Variants in SGCZ observed in about 807,000 individuals in gnomAD.
SGCZ encodes the protein sarcoglycan zeta, also known as zeta-sarcoglycan.
A neutral mutation model predicts 41.3 loss-of-function variants in SGCZ; 40 were observed. That is an observed-to-expected ratio of 0.97 (90% CI 0.75 to 1.26). The LOEUF (loss-of-function observed/expected upper bound fraction) is 1.26, where lower values mean the gene tolerates loss of function less well. Among genes scored for constraint, SGCZ ranks in the 50% most tolerant of loss-of-function variants. The probability of loss-of-function intolerance (pLI) is 0.00; values close to 1 mark genes in which losing one functional copy is unlikely to be tolerated. For missense variants in SGCZ, 552 were observed against 369.8 expected (o/e 1.49, Z -4.04); for synonymous variants, 206 against 137.5 (o/e 1.50, Z -3.49).
At chr8:14,347,295 G>A (rs910286827) in intron 2 of SGCZ, among the ~76,000 whole-genome samples, 6 of 152,002 alleles carry the variant, frequency 3.9e-5, no homozygotes, top group South Asian at 2.1e-4. Flanking sequence ...TGCAATGTCT[G>A]GAGCTTTTAC....
intron 1 of SGCZ, among the ~76,000 whole-genome samples, chr8:14,659,861 G>A (rs1353124187): frequency 1.3e-5 from 2 of 152,136 alleles, no homozygotes; most frequent in South Asian, 2.1e-4. Context: ...GATCATACAG[G>A]AGTACCTATT....
intron 1 of SGCZ, among the ~76,000 whole-genome samples, chr8:15,086,177 T>C (rs1173294719): frequency 1.3e-5 from 2 of 152,186 alleles, no homozygotes; most frequent in African/African-American, 4.8e-5. Flanking sequence ...AAGCAAAATA[T>C]TAAAATTCTA....
chr8:15,063,355 T>G (rs576455685), intron 1 of SGCZ, among the ~76,000 whole-genome samples: 5 of 152,260 alleles, frequency 3.3e-5, no homozygotes, highest in African/African-American at 1.2e-4. Flanking sequence ...TTGGGATGAT[T>G]TTTGCATAGC....
At chr8:15,101,797 G>A (rs541852027) in intron 1 of SGCZ, among the ~76,000 whole-genome samples, 2 of 152,198 alleles carry the variant, frequency 1.3e-5, no homozygotes, top group Non-Finnish European at 2.9e-5. Flanking sequence ...GGGCATGGTC[G>A]TGCACACCTG....
At chr8:14,109,742 A>G (rs1563132084) in intron 5 of SGCZ, among the ~76,000 whole-genome samples, 1 of 152,214 alleles carries the variant, frequency 6.6e-6, no homozygotes, top group Non-Finnish European at 1.5e-5. Flanking sequence ...ACTCCTTTGC[A>G]TAATATAGCA....
At chr8:14,885,620 T>A (rs1297956412) in intron 1 of SGCZ, among the ~76,000 whole-genome samples, 2 of 152,076 alleles carry the variant, frequency 1.3e-5, no homozygotes, top group African/African-American at 4.8e-5. Flanking sequence ...ACTGACATCT[T>A]AAAGTCAGGA....
chr8:14,975,352 G>T (rs186373581), intron 1 of SGCZ, among the ~76,000 whole-genome samples: 263 of 152,188 alleles, frequency 1.7e-3, no homozygotes, highest in Non-Finnish European at 2.7e-3. Context: ...CATCCAAAGG[G>T]GAATTGTGTA....
At chr8:14,899,862 G>A (rs1278390713) in intron 1 of SGCZ, among the ~76,000 whole-genome samples, 1 of 151,660 alleles carries the variant, frequency 6.6e-6, no homozygotes, top group Non-Finnish European at 1.5e-5. Context: ...GGAAGAAGAA[G>A]AAGAAGAGGA....
chr8:14,695,951 AC>A (rs1292292550), intron 1 of SGCZ, among the ~76,000 whole-genome samples: 1 of 152,002 alleles, frequency 6.6e-6, no homozygotes, highest in African/African-American at 2.4e-5. Flanking sequence ...AAAAGCTAAA[AC>A]CTTCCAAATT....
At chr8:14,856,744 C>G (rs1803557199) in intron 1 of SGCZ, among the ~76,000 whole-genome samples, 1 of 152,118 alleles carries the variant, frequency 6.6e-6, no homozygotes, top group Non-Finnish European at 1.5e-5. Context: ...CTAGGTAATT[C>G]TGAAATAGCC....
intron 2 of SGCZ, among the ~76,000 whole-genome samples, chr8:14,383,160 A>G (rs1024707618): frequency 6.6e-6 from 1 of 152,234 alleles, no homozygotes; most frequent in Admixed American, 6.5e-5. Context: ...AGGCTATGCT[A>G]TAAATCAAGC....
At chr8:14,575,821 G>T (rs538196760) in intron 1 of SGCZ, among the ~76,000 whole-genome samples, 28 of 149,096 alleles carry the variant, frequency 1.9e-4, no homozygotes, top group Non-Finnish European at 1.5e-5. Flanking sequence ...CAGGAGAATC[G>T]CTTGAACCCA....
chr8:14,627,767 A>C (rs1806512055), intron 1 of SGCZ, among the ~76,000 whole-genome samples: 1 of 151,874 alleles, frequency 6.6e-6, no homozygotes, highest in South Asian at 2.1e-4. Flanking sequence ...TTTTGACTGC[A>C]ATCATGAATA....
chr8:14,741,471 A>G (rs1053554402), intron 1 of SGCZ, among the ~76,000 whole-genome samples: 1 of 152,088 alleles, frequency 6.6e-6, no homozygotes, highest in African/African-American at 2.4e-5. Context: ...ACAGATAAGC[A>G]TTAAATTTTT....
intron 1 of SGCZ, among the ~76,000 whole-genome samples, chr8:14,768,258 T>G (rs576263764): frequency 6.6e-6 from 1 of 152,336 alleles, no homozygotes; most frequent in Admixed American, 6.5e-5. Context: ...AAACATTGAA[T>G]TAAGAAGAGG....
At chr8:14,693,911 C>T (rs892467810) in intron 1 of SGCZ, among the ~76,000 whole-genome samples, 3 of 152,006 alleles carry the variant, frequency 2.0e-5, no homozygotes, top group Admixed American at 1.3e-4. Context: ...TTTTAAACAG[C>T]AATTAATTTT....
At chr8:14,245,154 G>A (rs556747205) in intron 3 of SGCZ, among the ~76,000 whole-genome samples, 318 of 152,264 alleles carry the variant, frequency 2.1e-3, no homozygotes, top group Middle Eastern at 0.01. Context: ...GTGAGAAAGG[G>A]CATACCTGTC....
intron 5 of SGCZ, among the ~76,000 whole-genome samples, chr8:14,164,260 T>C (rs1804137453): frequency 6.6e-6 from 1 of 152,144 alleles, no homozygotes; most frequent in Non-Finnish European, 1.5e-5. Flanking sequence ...AAAATAATAC[T>C]CCCAAATTAT....
At chr8:14,130,767 T>C (rs1013915791) in intron 5 of SGCZ, among the ~76,000 whole-genome samples, 2 of 152,120 alleles carry the variant, frequency 1.3e-5, no homozygotes, top group African/African-American at 4.8e-5. Context: ...GCTGTGCCAA[T>C]AGAAAAAGGG....
Sources: gnomAD v4.1 joint callset for allele counts (sites outside exome capture counted in the v4.1 genomes callset) on GRCh38, gnomAD v4.1.1 for gene constraint, MANE v1.5 for transcripts, NCBI Gene and HGNC (gene_info 2026-07-23, HGNC 2026-07-21) for gene names.